Variants in RASGRF2 observed in about 807,000 individuals in gnomAD.
RASGRF2 encodes Ras protein specific guanine nucleotide releasing factor 2, also known as ras-specific guanine nucleotide-releasing factor 2.
In RASGRF2, 76 loss-of-function variants were observed where a neutral mutation model predicts 151.0. The observed-to-expected ratio is 0.50, with a 90% CI of 0.42 to 0.61. RASGRF2 has a LOEUF of 0.61. Ranked by LOEUF, RASGRF2 falls within the 20% of genes least tolerant of loss-of-function variation. The pLI, the probability that RASGRF2 is intolerant of heterozygous loss-of-function variation, is 0.00. For missense variants in RASGRF2, 1,148 were observed against 1,564.6 expected (o/e 0.73, Z 4.49); for synonymous variants, 504 against 566.5 (o/e 0.89, Z 1.57).
intron 1 of RASGRF2, among the ~76,000 whole-genome samples, chr5:81,026,193 T>C (rs1478221954): frequency 2.0e-5 from 3 of 150,878 alleles, no homozygotes; most frequent in Admixed American, 1.3e-4. Flanking sequence ...CCTTCCTTTT[T>C]CCTTCCTTTC....
intron 17 of RASGRF2, among the ~76,000 whole-genome samples, chr5:81,145,769 C>T (rs166061): frequency 0.14 from 21,052 of 152,232 alleles, 1,943 homozygotes; most frequent in East Asian, 0.38. Context: ...GGACTCCAGC[C>T]GCATGGCCCT....
intron 12 of RASGRF2, among the ~76,000 whole-genome samples, chr5:81,104,790 G>T (rs561659688): frequency 6.6e-6 from 1 of 152,230 alleles, no homozygotes; most frequent in African/African-American, 2.4e-5. Flanking sequence ...GCTAAACCCT[G>T]GATTGGCACC....
intron 1 of RASGRF2, among the ~76,000 whole-genome samples, chr5:80,981,596 C>T (rs1267379439): frequency 6.6e-6 from 1 of 151,994 alleles, no homozygotes; most frequent in Admixed American, 6.6e-5. Context: ...GACAGAGTCT[C>T]ACTCTGTCGC....
intron 13 of RASGRF2, among the ~76,000 whole-genome samples, chr5:81,110,001 C>A (rs10060341): frequency 0.023 from 3,568 of 152,210 alleles, 76 homozygotes; most frequent in African/African-American, 0.051. Flanking sequence ...CCTTATTGAG[C>A]CTGATTATCC....
chr5:81,059,184 C>A (rs1278666872), intron 2 of RASGRF2, among the ~76,000 whole-genome samples: 1 of 151,408 alleles, frequency 6.6e-6, no homozygotes, highest in Non-Finnish European at 1.5e-5. Context: ...GAGATCCAGA[C>A]CATCCTGGCT....
In RASGRF2 at chr5:81,008,139, C is replaced by CTTTTTTTTTTTTTTTTT. The variant is rs58105434; in HGVS notation, c.289-34725_289-34709dup. ...AGTTTTCTTTTTCTTTCTTTCTTTC[C>CTTTTTTTTTTTTTTTTT]TTTTTTTTTTTTTTTTTTTTTTTTT... On this transcript the variant is annotated intron_variant, in intron 1 of 26. Coordinates refer to ENST00000265080, the MANE Select transcript of RASGRF2 (RefSeq NM_006909.3). Among the ~76,000 whole-genome samples the CTTTTTTTTTTTTTTTTT allele has an allele frequency of 2.0e-4, 17 of 85,386 alleles. 1 individual carries two copies. The highest frequency in any genetic ancestry group is 2.8e-4 in the African/African-American group (6 of 21,470). 56.0% of individuals were successfully genotyped at this position (85,386 alleles called of 152,430 possible).
At chr5:81,152,561 C>G (rs1489712129) in intron 17 of RASGRF2, among the ~76,000 whole-genome samples, 1 of 151,744 alleles carries the variant, frequency 6.6e-6, no homozygotes, top group Non-Finnish European at 1.5e-5. Context: ...TGACTTTATC[C>G]TAGATGTAGA....
intron 17 of RASGRF2, among the ~76,000 whole-genome samples, chr5:81,154,471 C>T (rs1482886358): frequency 6.6e-6 from 1 of 152,126 alleles, no homozygotes; most frequent in Non-Finnish European, 1.5e-5. Context: ...CTCAAGCGAT[C>T]CTCCCGCTTT....
rs139180485 is a variant in RASGRF2 at position 81,122,627 on chromosome 5, C to T, written c.2471-1015C>T. Among the ~76,000 whole-genome samples the T allele has an allele frequency of 2.2e-3, 341 of 152,260 alleles. 1 individual carries two copies. The highest frequency in any genetic ancestry group is 8.0e-3 in the African/African-American group (333 of 41,542). On this transcript the variant is annotated intron_variant, in intron 15 of 26. Coordinates refer to ENST00000265080, the MANE Select transcript of RASGRF2 (RefSeq NM_006909.3). Reference sequence around the variant, plus strand: ...GGAATGGCAAAGCAAAGTAGTTCTGCTGACAGGATTAATGTACAATTAGTG... The same window carrying T: ...GGAATGGCAAAGCAAAGTAGTTCTGTTGACAGGATTAATGTACAATTAGTG...
intron 17 of RASGRF2, among the ~76,000 whole-genome samples, chr5:81,130,154 C>T (rs1239067674): frequency 6.6e-6 from 1 of 152,212 alleles, no homozygotes; most frequent in Non-Finnish European, 1.5e-5. Flanking sequence ...AGCGAGCTGG[C>T]TCCTGGTGGT....
rs926976580 is a variant in RASGRF2, at chr5:81,226,069, G to A, written c.*299G>A. Reference sequence around the variant, plus strand: ...GCCATTTTAACAAAGCAGGTAAATCGGTAAATTTTAAACTCTGTCCATGTT... The same window carrying A: ...GCCATTTTAACAAAGCAGGTAAATCAGTAAATTTTAAACTCTGTCCATGTT... On this transcript the variant is annotated 3_prime_UTR_variant, in exon 27 of 27. Coordinates refer to ENST00000265080, the MANE Select transcript of RASGRF2 (RefSeq NM_006909.3). The A allele has an allele frequency of 1.2e-5, 3 of 249,900 alleles. No homozygotes were observed. Among genetic ancestry groups the A allele is most frequent in the African/African-American group, 2.3e-5 (1 of 44,090 alleles). 15.5% of individuals were successfully genotyped at this position (249,900 alleles called of 1,614,324 possible).
intron 12 of RASGRF2, among the ~76,000 whole-genome samples, chr5:81,102,644 G>T (rs763740119): frequency 6.6e-6 from 1 of 150,378 alleles, no homozygotes; most frequent in Non-Finnish European, 1.5e-5. Context: ...GCAGTGAGCC[G>T]AGATCATGCC....
At chr5:81,123,620 A>G (rs1753371518) in intron 15 of RASGRF2, 22 bp from the exon 16 acceptor site, 1 of 1,602,168 alleles carries the variant, frequency 6.2e-7, no homozygotes, top group African/African-American at 1.3e-5. Flanking sequence ...TGGTTGTTAA[A>G]ATTCATGATG....
intron 25 of RASGRF2, among the ~76,000 whole-genome samples, chr5:81,219,508 T>G (rs1218857868): frequency 6.6e-6 from 1 of 152,134 alleles, no homozygotes; most frequent in Non-Finnish European, 1.5e-5. Flanking sequence ...TTCAGTATCT[T>G]TTTGCTTTTG....
intron 17 of RASGRF2, among the ~76,000 whole-genome samples, chr5:81,174,368 G>A (rs1462710823): frequency 6.6e-6 from 1 of 152,222 alleles, no homozygotes; most frequent in African/African-American, 2.4e-5. Context: ...GAGGTGTCAG[G>A]TTGGAAGGCA....
intron 1 of RASGRF2, among the ~76,000 whole-genome samples, chr5:80,976,207 G>T (rs928659722): frequency 1.3e-5 from 2 of 152,106 alleles, no homozygotes; most frequent in Non-Finnish European, 2.9e-5. Flanking sequence ...ACATTGTTTT[G>T]TGTTATACGA....
At chr5:80,995,399 T>TATATATATATATATATACAC (rs1165966102) in intron 1 of RASGRF2, among the ~76,000 whole-genome samples, 2 of 119,780 alleles carry the variant, frequency 1.7e-5, no homozygotes, top group African/African-American at 3.3e-5. Flanking sequence ...TATATATATA[T>TATATATATATATATATACAC]ACACACACAC....
At chr5:81,137,880 C>G (rs1753790623) in intron 17 of RASGRF2, among the ~76,000 whole-genome samples, 1 of 152,184 alleles carries the variant, frequency 6.6e-6, no homozygotes, top group Non-Finnish European at 1.5e-5. Context: ...TTTTGGCATG[C>G]CTTGTAGTTT....
At chr5:81,005,478 C>A (rs1749237885) in intron 1 of RASGRF2, among the ~76,000 whole-genome samples, 1 of 152,128 alleles carries the variant, frequency 6.6e-6, no homozygotes, top group Admixed American at 6.5e-5. Context: ...ATTATGGGAA[C>A]TGCAATTCAA....
Sources: gnomAD v4.1 joint callset for allele counts (sites outside exome capture counted in the v4.1 genomes callset) on GRCh38, gnomAD v4.1.1 for gene constraint, MANE v1.5 for transcripts, NCBI Gene and HGNC (gene_info 2026-07-23, HGNC 2026-07-21) for gene names.